Variants in ADGB observed in about 807,000 individuals in gnomAD.
ADGB encodes the protein calpain-7-like protein.
A neutral mutation model predicts 210.5 loss-of-function variants in ADGB; 172 were observed. The ratio of observed to expected loss-of-function variants is 0.82; its 90% CI spans 0.72 to 0.93. ADGB has a LOEUF of 0.93. ADGB is among the 40% of genes least tolerant of loss of function. The pLI is 0.00. For synonymous variants in ADGB, 658 were observed against 662.7 expected (o/e 0.99, Z 0.11); for missense variants, 2,025 against 1,964.8 (o/e 1.03, Z -0.58).
chr6:146,649,398 T>A (rs1775666608), intron 3 of ADGB, among the ~76,000 whole-genome samples: 1 of 152,114 alleles, frequency 6.6e-6, no homozygotes, highest in Admixed American at 6.5e-5. Context: ...TCTGACACCT[T>A]AAAATAACTA....
At chr6:146,625,170 T>G (rs940215940) in intron 1 of ADGB, among the ~76,000 whole-genome samples, 4 of 152,072 alleles carry the variant, frequency 2.6e-5, no homozygotes, top group Non-Finnish European at 5.9e-5. Context: ...AATCATATTG[T>G]GATTCTCTAC....
At chr6:146,642,659 A>T (rs1471148954) in intron 2 of ADGB, among the ~76,000 whole-genome samples, 1 of 152,034 alleles carries the variant, frequency 6.6e-6, no homozygotes, top group African/African-American at 2.4e-5. Context: ...TAATGCAGGA[A>T]CAAAAAACCA....
At chr6:146,653,296 G>A (rs111874844) in intron 3 of ADGB, among the ~76,000 whole-genome samples, 2,169 of 152,004 alleles carry the variant, frequency 0.014, 44 homozygotes, top group African/African-American at 0.048. Flanking sequence ...GAATAACAGT[G>A]GAAATAAAGT....
At chr6:146,766,910 C>G (rs935395926) in intron 28 of ADGB, among the ~76,000 whole-genome samples, 2 of 152,054 alleles carry the variant, frequency 1.3e-5, no homozygotes, top group Non-Finnish European at 2.9e-5. Flanking sequence ...AAATCTTTTA[C>G]CATTGGAAAA....
chr6:146,701,868 A>C (rs771915520), intron 13 of ADGB, among the ~76,000 whole-genome samples: 31 of 151,984 alleles, frequency 2.0e-4, no homozygotes, highest in Non-Finnish European at 4.0e-4. Flanking sequence ...ACCACATGAA[A>C]TACAGCAACA....
intron 1 of ADGB, among the ~76,000 whole-genome samples, chr6:146,629,595 T>C (rs1781029955): frequency 6.6e-6 from 1 of 152,216 alleles, no homozygotes; most frequent in Non-Finnish European, 1.5e-5. Flanking sequence ...ATATCTTCCT[T>C]TAAATAAATA....
chr6:146,704,042 A>G (rs1776532485), intron 13 of ADGB, among the ~76,000 whole-genome samples: 1 of 151,780 alleles, frequency 6.6e-6, no homozygotes, highest in African/African-American at 2.4e-5. Flanking sequence ...GTCTTAATTT[A>G]TGTTCCTCTG....
chr6:146,770,474 C>T (rs1431196998), intron 29 of ADGB: 2 of 393,208 alleles, frequency 5.1e-6, no homozygotes, highest in East Asian at 7.8e-5. Flanking sequence ...ACTGTGCGGC[C>T]TCTTCTGAGG....
chr6:146,618,781 C>T (rs1379601646), intron 1 of ADGB, among the ~76,000 whole-genome samples: 1 of 151,940 alleles, frequency 6.6e-6, no homozygotes, highest in Non-Finnish European at 1.5e-5. Context: ...TATGGTCTGT[C>T]CTGGAGAATG....
intron 33 of ADGB, among the ~76,000 whole-genome samples, chr6:146,799,159 A>G (rs998655305): frequency 2.6e-5 from 4 of 152,182 alleles, no homozygotes; most frequent in South Asian, 4.1e-4. Flanking sequence ...CTCTACAAAA[A>G]AACCTATGGC....
In ADGB at chr6:146,724,220, A is replaced by C; in HGVS notation, c.2130A>C (p.Gly710=). The C allele has an allele frequency of 6.4e-7, 1 of 1,551,172 alleles. No individual in the cohort carries two copies. The highest frequency in any genetic ancestry group is 8.7e-7 in the Non-Finnish European group (1 of 1,146,752). ...AAGACAGTCCTCCCATAGAGCCTGGACTTCTCACAGCTGAAACGTTTTCTT... is the reference window on the plus strand; with the variant it reads ...AAGACAGTCCTCCCATAGAGCCTGGCCTTCTCACAGCTGAAACGTTTTCTT... ...LTKDSPPIEP[G]LLTAETFSWK... The change falls in exon 18 of 36, where the codon GGA becomes GGC. Residue 710 remains glycine, a synonymous_variant. Coordinates refer to ENST00000397944, the MANE Select transcript of ADGB (RefSeq NM_024694.4).
intron 2 of ADGB, among the ~76,000 whole-genome samples, chr6:146,641,089 A>G (rs1272568501): frequency 6.6e-6 from 1 of 151,976 alleles, no homozygotes; most frequent in African/African-American, 2.4e-5. Context: ...TCAATGTATA[A>G]AAACCACTAG....
At chr6:146,624,263 A>G (rs748270909) in intron 1 of ADGB, among the ~76,000 whole-genome samples, 9 of 151,900 alleles carry the variant, frequency 5.9e-5, no homozygotes, top group Non-Finnish European at 1.2e-4. Context: ...GGATACAGAG[A>G]TATTCATATC....
At chr6:146,691,333 A>G (rs1367000450) in intron 11 of ADGB, 43 bp downstream of exon 11, 1 of 1,448,874 alleles carries the variant, frequency 6.9e-7, no homozygotes, top group Non-Finnish European at 9.1e-7. Context: ...TTAATGTATG[A>G]AAGTCTAACA....
At position 146,692,909 on chromosome 6, in the gene ADGB, C is replaced by A; in HGVS notation, c.1571C>A (p.Thr524Lys). ...AGAATGACTCCATTTACAATTCCAACAGAAATGTAAGTATTAACATTCTTC... is the reference window on the plus strand; with the variant it reads ...AGAATGACTCCATTTACAATTCCAAAAGAAATGTAAGTATTAACATTCTTC... ...NYRMTPFTIPTEMHFVRSLIK... is the reference protein window; with the variant it reads ...NYRMTPFTIPKEMHFVRSLIK... The change falls in exon 12 of 36, where the codon ACA (threonine) becomes AAA (lysine). Residue 524 changes from threonine (T) to lysine (K), a missense_variant. Coordinates refer to ENST00000397944, the MANE Select transcript of ADGB (RefSeq NM_024694.4). 1 of 1,481,874 alleles carries A rather than the reference C, an allele frequency of 6.7e-7. No homozygotes were observed. The highest frequency in any genetic ancestry group is 9.2e-7 in the Non-Finnish European group (1 of 1,089,070). The allele number at this position is 1,481,874 out of a possible 1,614,324, so 91.8% of individuals were successfully genotyped here. A position where few individuals can be genotyped will look rare whatever the true frequency, so the allele number is the denominator to read the frequency against.
intron 19 of ADGB, 113 bp downstream of exon 19, chr6:146,726,310 C>T: frequency 1.6e-6 from 1 of 637,686 alleles, no homozygotes; most frequent in Non-Finnish European, 2.7e-6. Context: ...CAACCTCTGC[C>T]TTCCAGGTTC....
chr6:146,758,248 A>G (rs1364830965), intron 27 of ADGB, among the ~76,000 whole-genome samples: 1 of 152,102 alleles, frequency 6.6e-6, no homozygotes, highest in Non-Finnish European at 1.5e-5. Context: ...TTAACTCTTT[A>G]AAATGGCTGT....
intron 1 of ADGB, among the ~76,000 whole-genome samples, chr6:146,600,543 A>T (rs1370329530): frequency 6.6e-6 from 1 of 151,802 alleles, no homozygotes; most frequent in African/African-American, 2.4e-5. Context: ...CCTAAATGTC[A>T]TTTTCTCCTG....
chr6:146,728,463 G>A lies in ADGB; in HGVS notation c.2353-111G>A. 2.7e-6 allele frequency: 3 copies of A among 1,090,916 alleles called. No homozygotes were observed. In the East Asian group the frequency reaches 7.9e-5, roughly 29 times the overall value. The allele number at this position is 1,090,916 out of a possible 1,614,324, so 67.6% of individuals were successfully genotyped here. ...ACCTTGATATCAAATCCTCTATAAA[G>A]AATTATTGAATCATATAGCAGAGAT... On this transcript the variant is annotated intron_variant, in intron 19 of 35. Coordinates refer to ENST00000397944, the MANE Select transcript of ADGB (RefSeq NM_024694.4).
Sources: allele counts gnomAD v4.1 joint callset (sites outside exome capture counted in the v4.1 genomes callset), GRCh38; gene constraint gnomAD v4.1.1; transcripts MANE v1.5; gene names NCBI Gene and HGNC (gene_info 2026-07-23, HGNC 2026-07-21).